TBC1D5: variants seen among roughly 807,000 people sequenced by gnomAD.
The protein encoded by TBC1D5 is TBC1 domain family member 5.
A neutral mutation model predicts 100.3 loss-of-function variants in TBC1D5; 75 were observed. That is an observed-to-expected ratio of 0.75 (90% CI 0.62 to 0.91). The LOEUF is 0.91. Ranked by LOEUF, TBC1D5 falls within the 40% of genes least tolerant of loss-of-function variation. The probability of loss-of-function intolerance (pLI) is 0.00; values close to 1 mark genes in which losing one functional copy is unlikely to be tolerated. For synonymous variants in TBC1D5, 323 were observed against 325.6 expected, an observed-to-expected ratio of 0.99 and a Z score of 0.09; for missense variants, 910 against 942.4, an observed-to-expected ratio of 0.97 and a Z score of 0.45.
intron 3 of TBC1D5, among the ~76,000 whole-genome samples, chr3:17,471,072 C>G (rs755136688): frequency 1.3e-5 from 2 of 152,204 alleles, no homozygotes; most frequent in African/African-American, 2.4e-5. Flanking sequence ...TCAATAAGCA[C>G]TATCACTCCA....
At chr3:17,634,200 G>A (rs1389408351) in intron 1 of TBC1D5, among the ~76,000 whole-genome samples, 2 of 152,110 alleles carry the variant, frequency 1.3e-5, no homozygotes, top group African/African-American at 4.8e-5. Context: ...GCTACTATAT[G>A]AGCCAGCAAT....
intron 2 of TBC1D5, among the ~76,000 whole-genome samples, chr3:17,556,023 T>C (rs558555663): frequency 1.3e-5 from 2 of 152,222 alleles, no homozygotes; most frequent in African/African-American, 4.8e-5. Flanking sequence ...TGATATTTAA[T>C]AGTTTGGTTT....
At chr3:17,585,912 C>G (rs566902167) in intron 2 of TBC1D5, among the ~76,000 whole-genome samples, 1 of 151,980 alleles carries the variant, frequency 6.6e-6, no homozygotes, top group African/African-American at 2.4e-5. Context: ...TCTGATATAC[C>G]TCCAACTGTA....
chr3:17,366,136 A>G (rs534167201), intron 13 of TBC1D5, among the ~76,000 whole-genome samples: 2 of 151,948 alleles, frequency 1.3e-5, no homozygotes, highest in Non-Finnish European at 2.9e-5. Flanking sequence ...CCAAAAATAC[A>G]AAAAATTAGC....
intron 13 of TBC1D5, among the ~76,000 whole-genome samples, chr3:17,341,226 T>G (rs2088849538): frequency 6.6e-6 from 1 of 152,130 alleles, no homozygotes; most frequent in Non-Finnish European, 1.5e-5. Flanking sequence ...AGATGGAGTC[T>G]CGCTCTGTCG....
chr3:17,737,746 T>A (rs2077067280), intron 1 of TBC1D5, among the ~76,000 whole-genome samples: 1 of 151,992 alleles, frequency 6.6e-6, no homozygotes, highest in Non-Finnish European at 1.5e-5. Flanking sequence ...AGGTAAACAC[T>A]CTTGTCTTAA....
intron 3 of TBC1D5, among the ~76,000 whole-genome samples, chr3:17,504,603 C>A (rs558177879): frequency 2.6e-5 from 4 of 152,224 alleles, no homozygotes; most frequent in Non-Finnish European, 4.4e-5. Context: ...GACAGCCATG[C>A]ACATCACAGT....
chr3:17,585,312 A>T (rs541100197), intron 2 of TBC1D5, among the ~76,000 whole-genome samples: 1 of 152,222 alleles, frequency 6.6e-6, no homozygotes, highest in African/African-American at 2.4e-5. Flanking sequence ...ACATGTTTCA[A>T]ACCAAGAATG....
At chr3:17,315,649 G>C (rs944268086) in intron 13 of TBC1D5, among the ~76,000 whole-genome samples, 1 of 152,222 alleles carries the variant, frequency 6.6e-6, no homozygotes, top group Non-Finnish European at 1.5e-5. Context: ...TGGTGGAAGA[G>C]AGATTTCAGG....
intron 2 of TBC1D5, among the ~76,000 whole-genome samples, chr3:17,588,696 G>C (rs998482065): frequency 6.6e-6 from 1 of 152,046 alleles, no homozygotes; most frequent in African/African-American, 2.4e-5. Context: ...ATCCCATTGA[G>C]AGCACTAATT....
chr3:17,726,878 T>C (rs928458830), intron 1 of TBC1D5, among the ~76,000 whole-genome samples: 1 of 152,188 alleles, frequency 6.6e-6, no homozygotes, highest in African/African-American at 2.4e-5. Context: ...TGGAACTACG[T>C]AACACTGACA....
At chr3:17,625,244 CA>C (rs1230183700) in intron 1 of TBC1D5, among the ~76,000 whole-genome samples, 1 of 151,866 alleles carries the variant, frequency 6.6e-6, no homozygotes, top group Non-Finnish European at 1.5e-5. Flanking sequence ...AATGAAAAAA[CA>C]AAGGCCATAT....
chr3:17,274,694 C>A (rs2079795616), intron 15 of TBC1D5, among the ~76,000 whole-genome samples: 2 of 152,174 alleles, frequency 1.3e-5, no homozygotes, highest in Admixed American at 6.5e-5. Flanking sequence ...AGGCACCATA[C>A]AATACCCACT....
chr3:17,331,284 C>T (rs1461597893), intron 13 of TBC1D5, among the ~76,000 whole-genome samples: 1 of 152,182 alleles, frequency 6.6e-6, no homozygotes, highest in Non-Finnish European at 1.5e-5. Flanking sequence ...GAAGTGTCAA[C>T]TCGTTCTTAA....
intron 1 of TBC1D5, among the ~76,000 whole-genome samples, chr3:17,719,115 TA>T (rs1181337373): frequency 6.6e-6 from 1 of 152,194 alleles, no homozygotes; most frequent in Admixed American, 6.5e-5. Context: ...TGCAATAATT[TA>T]TAGTTTCTTA....
At chr3:17,495,347 A>G (rs2095693202) in intron 3 of TBC1D5, among the ~76,000 whole-genome samples, 1 of 152,286 alleles carries the variant, frequency 6.6e-6, no homozygotes, top group Non-Finnish European at 1.5e-5. Context: ...AAAAAAGATG[A>G]AAGTAACAGA....
intron 2 of TBC1D5, among the ~76,000 whole-genome samples, chr3:17,617,288 C>T (rs2062253448): frequency 6.6e-6 from 1 of 152,204 alleles, no homozygotes; most frequent in South Asian, 2.1e-4. Context: ...GTGGGTAACT[C>T]GACCTTTCTG....
chr3:17,483,297 A>T (rs571530863), intron 3 of TBC1D5, among the ~76,000 whole-genome samples: 1 of 151,456 alleles, frequency 6.6e-6, no homozygotes, highest in South Asian at 2.1e-4. Context: ...ACCACCCCCC[A>T]CCCCACCCCA....
chr3:17,301,900 G>A (rs2082883437), intron 14 of TBC1D5, among the ~76,000 whole-genome samples: 1 of 152,096 alleles, frequency 6.6e-6, no homozygotes, highest in Admixed American at 6.5e-5. Flanking sequence ...ACTATTACAG[G>A]AGTAATGGTT....
Sources: gnomAD v4.1 joint callset for allele counts (sites outside exome capture counted in the v4.1 genomes callset) on GRCh38, gnomAD v4.1.1 for gene constraint, MANE v1.5 for transcripts, NCBI Gene and HGNC (gene_info 2026-07-23, HGNC 2026-07-21) for gene names.